Variants in SGCD observed in about 807,000 individuals in gnomAD.
SGCD encodes delta-sarcoglycan.
A neutral mutation model predicts 36.6 loss-of-function variants in SGCD; 18 were observed. The ratio of observed to expected loss-of-function variants is 0.49; its 90% CI spans 0.34 to 0.73. The LOEUF (loss-of-function observed/expected upper bound fraction) is 0.73. Ranked by LOEUF, SGCD falls within the 30% of genes least tolerant of loss-of-function variation. The pLI is 0.01. For missense variants in SGCD, 387 were observed against 346.7 expected, an observed-to-expected ratio of 1.12 and a Z score of -0.92; for synonymous variants, 133 against 130.6, an observed-to-expected ratio of 1.02 and a Z score of -0.12.
At chr5:156,671,927 A>C (rs1409626834) in intron 7 of SGCD, among the ~76,000 whole-genome samples, 1 of 152,166 alleles carries the variant, frequency 6.6e-6, no homozygotes, top group Non-Finnish European at 1.5e-5. Context: ...CGGGCTCTTT[A>C]AAACAACCAG....
chr5:156,505,101 T>G (rs1020776295), intron 3 of SGCD, among the ~76,000 whole-genome samples: 2 of 152,216 alleles, frequency 1.3e-5, no homozygotes, highest in African/African-American at 2.4e-5. Flanking sequence ...TCACTAATAA[T>G]GCAAAACAAG....
intron 7 of SGCD, among the ~76,000 whole-genome samples, chr5:156,744,955 A>G (rs1288022248): frequency 1.3e-5 from 2 of 152,236 alleles, no homozygotes; most frequent in Non-Finnish European, 2.9e-5. Flanking sequence ...TATTAAGATT[A>G]TTCAACATTC....
intron 1 of SGCD, among the ~76,000 whole-genome samples, chr5:156,106,476 A>G (rs1051271202): frequency 1.3e-5 from 2 of 152,202 alleles, no homozygotes; most frequent in Non-Finnish European, 2.9e-5. Flanking sequence ...AGCTTTGTGA[A>G]ATACTATCAA....
chr5:156,739,284 A>T (rs1272054168), intron 7 of SGCD, among the ~76,000 whole-genome samples: 2 of 152,232 alleles, frequency 1.3e-5, no homozygotes, highest in South Asian at 2.1e-4. Flanking sequence ...TAGCAAGAGC[A>T]TTGCATTCAA....
intron 4 of SGCD, among the ~76,000 whole-genome samples, chr5:156,581,118 T>G (rs776572997): frequency 1.4e-4 from 22 of 152,230 alleles, no homozygotes; most frequent in Non-Finnish European, 1.9e-4. Flanking sequence ...ATGTTGATGC[T>G]ATTCCTTTCT....
intron 3 of SGCD, among the ~76,000 whole-genome samples, chr5:156,467,762 G>T (rs890272701): frequency 6.6e-6 from 1 of 152,206 alleles, no homozygotes; most frequent in Non-Finnish European, 1.5e-5. Flanking sequence ...GAACTATGAG[G>T]CCCTAAAGAA....
At chr5:156,505,109 A>G (rs957216861) in intron 3 of SGCD, among the ~76,000 whole-genome samples, 1 of 152,242 alleles carries the variant, frequency 6.6e-6, no homozygotes, top group Admixed American at 6.5e-5. Context: ...AATGCAAAAC[A>G]AGAGCTAATC....
intron 3 of SGCD, among the ~76,000 whole-genome samples, chr5:156,382,168 A>G (rs915618585): frequency 1.3e-5 from 2 of 151,896 alleles, no homozygotes; most frequent in Admixed American, 6.6e-5. Flanking sequence ...CAAAACCCAT[A>G]CTCTCAGGCC....
At chr5:156,404,376 TA>T (rs1296276229) in intron 3 of SGCD, among the ~76,000 whole-genome samples, 42 of 152,332 alleles carry the variant, frequency 2.8e-4, no homozygotes, top group African/African-American at 9.1e-4. Context: ...GAAGATGTCA[TA>T]GGGGAGCCAG....
chr5:156,258,164 A>C (rs1254860960), intron 3 of SGCD, among the ~76,000 whole-genome samples: 1 of 152,228 alleles, frequency 6.6e-6, no homozygotes, highest in Non-Finnish European at 1.5e-5. Flanking sequence ...GCTTTCAAAC[A>C]AAAGTTAGAA....
At chr5:156,210,869 G>C (rs1251094856) in intron 3 of SGCD, among the ~76,000 whole-genome samples, 2 of 152,096 alleles carry the variant, frequency 1.3e-5, no homozygotes, top group Admixed American at 6.5e-5. Context: ...AAGTAAAAGA[G>C]AGAGAAAATG....
the SGCD span, among the ~76,000 whole-genome samples, chr5:155,765,165 A>C: frequency 1.3e-5 from 2 of 151,698 alleles, no homozygotes; most frequent in African/African-American, 4.9e-5. Context: ...TGTTAGTCCA[A>C]GTTACTTGGG....
At position 156,062,739 on chromosome 5, in the gene SGCD, A is replaced by G. The variant is rs1435308215; in HGVS notation, c.-281-55139A>G. Among the ~76,000 whole-genome samples the G allele has an allele frequency of 4.6e-3, 97 of 21,040 alleles. 3 individuals carry two copies. Among genetic ancestry groups the G allele is most frequent in the African/African-American group, 0.026 (90 of 3,428 alleles). 13.8% of individuals were successfully genotyped at this position (21,040 alleles called of 152,430 possible). The stretch of plus-strand genomic sequence containing the variant: ...GGCTGCATAAATGTCTTCTTTTGAG[A>G]AGTGTCTGTTCATGTCCTTCGCCCA... On this transcript the variant is annotated intron_variant, in intron 1 of 9. Transcript: ENST00000517913.
At chr5:155,950,728 T>TC (rs1454862047) in intron 1 of SGCD, among the ~76,000 whole-genome samples, 1 of 152,116 alleles carries the variant, frequency 6.6e-6, no homozygotes, top group Non-Finnish European at 1.5e-5. Context: ...TATTTTGTAC[T>TC]CCCCCAGCCT....
chr5:156,190,427 G>A (rs1763862669), intron 3 of SGCD, among the ~76,000 whole-genome samples: 1 of 152,042 alleles, frequency 6.6e-6, no homozygotes, highest in Admixed American at 6.6e-5. Flanking sequence ...TGTTTGGAAG[G>A]AAATATAATA....
intron 3 of SGCD, among the ~76,000 whole-genome samples, chr5:156,158,951 A>G (rs527796920): frequency 1.3e-5 from 2 of 151,642 alleles, no homozygotes; most frequent in Non-Finnish European, 2.9e-5. Context: ...GATATGAGTG[A>G]TACACTTTTT....
At chr5:156,127,778 AT>A (rs1314249466) in intron 3 of SGCD, among the ~76,000 whole-genome samples, 2 of 151,496 alleles carry the variant, frequency 1.3e-5, no homozygotes, top group Non-Finnish European at 2.9e-5. Context: ...ATGTAAAAAA[AT>A]AAAGAAGCTT....
intron 3 of SGCD, among the ~76,000 whole-genome samples, chr5:156,387,213 G>T (rs1250448295): frequency 6.6e-6 from 1 of 152,140 alleles, no homozygotes; most frequent in South Asian, 2.1e-4. Context: ...GCTCCAAGTG[G>T]TGTTGTTTGA....
chr5:155,993,583 G>A (rs1361247622), intron 1 of SGCD, among the ~76,000 whole-genome samples: 1 of 152,080 alleles, frequency 6.6e-6, no homozygotes, highest in Non-Finnish European at 1.5e-5. Flanking sequence ...GGCCTCAAGT[G>A]ATCCACCCGC....
Sources: allele counts gnomAD v4.1 joint callset (sites outside exome capture counted in the v4.1 genomes callset), GRCh38; gene constraint gnomAD v4.1.1; transcripts MANE v1.5; gene names NCBI Gene and HGNC (gene_info 2026-07-23, HGNC 2026-07-21).